The following CADM2 variants were observed in gnomAD, a reference collection of about 807,000 sequenced individuals.
The protein encoded by CADM2 is cell adhesion molecule 2.
CADM2 carries 12 observed loss-of-function variants against 49.8 expected under a neutral mutation model. The ratio of observed to expected loss-of-function variants is 0.24; its 90% CI spans 0.15 to 0.39. The LOEUF is 0.39. Ranked by LOEUF, CADM2 falls within the 10% of genes least tolerant of loss-of-function variation. The pLI is 1.00. For synonymous variants in CADM2, 214 were observed against 175.4 expected (o/e 1.22, Z -1.74); for missense variants, 378 against 492.3 (o/e 0.77, Z 2.20).
chr3:85,929,196 GA>G (rs1239437820), intron 6 of CADM2, among the ~76,000 whole-genome samples: 1 of 152,028 alleles, frequency 6.6e-6, no homozygotes, highest in African/African-American at 2.4e-5. Context: ...TCTGTCTTGT[GA>G]AATAGTAGAG....
chr3:85,010,224 GA>G (rs2033926095), intron 1 of CADM2, among the ~76,000 whole-genome samples: 1 of 152,122 alleles, frequency 6.6e-6, no homozygotes, highest in African/African-American at 2.4e-5. Context: ...TGCCACATCA[GA>G]GTTCAATGAT....
At chr3:85,018,869 C>T (rs1182116488) in intron 1 of CADM2, among the ~76,000 whole-genome samples, 1 of 152,106 alleles carries the variant, frequency 6.6e-6, no homozygotes, top group East Asian at 1.9e-4. Flanking sequence ...AAGTTCATTA[C>T]TCATCTGATA....
chr3:86,007,914 T>C (rs6782553), intron 8 of CADM2, among the ~76,000 whole-genome samples: 106,206 of 152,100 alleles, frequency 0.7, 38,738 homozygotes, highest in African/African-American at 0.92. Context: ...GTTCTTCGTT[T>C]TATTGAACAT....
chr3:85,818,048 T>G (rs1441635708), intron 3 of CADM2, among the ~76,000 whole-genome samples: 1 of 152,090 alleles, frequency 6.6e-6, no homozygotes, highest in Middle Eastern at 3.2e-3. Flanking sequence ...ATATACTCCT[T>G]TTAGAACAAA....
At chr3:85,379,176 A>T (rs9830814) in intron 1 of CADM2, among the ~76,000 whole-genome samples, 1 of 151,844 alleles carries the variant, frequency 6.6e-6, no homozygotes, top group Non-Finnish European at 1.5e-5. Flanking sequence ...TTGTAAACTC[A>T]TTTATGTTGA....
intron 1 of CADM2, among the ~76,000 whole-genome samples, chr3:85,162,322 A>G (rs1179745984): frequency 6.6e-6 from 1 of 152,160 alleles, no homozygotes; most frequent in African/African-American, 2.4e-5. Context: ...AAATAATACT[A>G]ATTACCGGGA....
At chr3:85,605,444 C>G in intron 1 of CADM2, among the ~76,000 whole-genome samples, 1 of 152,048 alleles carries the variant, frequency 6.6e-6, no homozygotes, top group Middle Eastern at 3.4e-3. Context: ...TGAATAAGCT[C>G]TAATGTTGAA....
intron 1 of CADM2, among the ~76,000 whole-genome samples, chr3:84,997,989 G>A (rs757921073): frequency 6.6e-6 from 1 of 152,082 alleles, no homozygotes; most frequent in Admixed American, 6.6e-5. Flanking sequence ...ATTGCAAGCA[G>A]CCATTTTACT....
intron 6 of CADM2, among the ~76,000 whole-genome samples, chr3:85,916,493 A>G (rs1373238008): frequency 6.6e-6 from 1 of 151,934 alleles, no homozygotes; most frequent in East Asian, 1.9e-4. Context: ...CCTACAAAGG[A>G]CATGAACTCA....
chr3:85,417,979 A>G lies in CADM2; in HGVS notation c.62-308543A>G, dbSNP rs142408241. On this transcript the variant is annotated intron_variant, in intron 1 of 9. Coordinates refer to ENST00000383699, the MANE Select transcript of CADM2 (RefSeq NM_001167675.2). ...CTGGTTCCTTAGACATACTTTAAGT[A>G]GGAAGGTACTGGAACCAAAGCTATA... Among the ~76,000 whole-genome samples, 310 of 152,290 alleles carry G rather than the reference A, an allele frequency of 2.0e-3. 1 individual carries two copies. Among genetic ancestry groups the G allele is most frequent in the African/African-American group, 7.2e-3 (299 of 41,568 alleles).
intron 8 of CADM2, among the ~76,000 whole-genome samples, chr3:86,031,382 T>C (rs548930658): frequency 6.6e-6 from 1 of 152,006 alleles, no homozygotes; most frequent in East Asian, 1.9e-4. Flanking sequence ...AATGTGATTA[T>C]CTAGGCTTTC....
intron 1 of CADM2, among the ~76,000 whole-genome samples, chr3:85,043,097 G>C (rs1236182251): frequency 6.6e-6 from 1 of 152,094 alleles, no homozygotes; most frequent in South Asian, 2.1e-4. Flanking sequence ...GGGGGGTGAA[G>C]CTAGTGGAAG....
At chr3:85,619,872 G>A (rs545125160) in intron 1 of CADM2, among the ~76,000 whole-genome samples, 2 of 152,152 alleles carry the variant, frequency 1.3e-5, no homozygotes, top group Non-Finnish European at 2.9e-5. Flanking sequence ...AGAGCAAAGA[G>A]AATTTGTAAT....
At chr3:84,962,242 A>G (rs2030601301) in intron 1 of CADM2, among the ~76,000 whole-genome samples, 2 of 151,842 alleles carry the variant, frequency 1.3e-5, no homozygotes, top group Non-Finnish European at 1.5e-5. Flanking sequence ...AGATCAGGCC[A>G]TATGAATACA....
rs2038822977 is a variant in CADM2 at position 85,472,791 on chromosome 3, C to G, written c.62-253731C>G. 2.0e-5 allele frequency among the ~76,000 whole-genome samples: 3 copies of G among 151,996 alleles called. No individual in the cohort carries two copies. The South Asian group carries it at 6.2e-4, about 32-fold the overall frequency. ...TTATTGTCACTCATTCTCTCTCTCT[C>G]TGTCTCTAATCGATGGAAAATGAAA... On this transcript the variant is annotated intron_variant, in intron 1 of 9. Coordinates refer to ENST00000383699, the MANE Select transcript of CADM2 (RefSeq NM_001167675.2).
intron 1 of CADM2, among the ~76,000 whole-genome samples, chr3:85,504,124 G>C (rs2040222736): frequency 6.6e-6 from 1 of 152,090 alleles, no homozygotes; most frequent in Non-Finnish European, 1.5e-5. Flanking sequence ...GGCGTGTCCG[G>C]AGTTTGTTCC....
intron 1 of CADM2, among the ~76,000 whole-genome samples, chr3:85,649,878 A>G (rs985134649): frequency 2.6e-5 from 4 of 152,164 alleles, no homozygotes; most frequent in South Asian, 4.1e-4. Flanking sequence ...ATGAAGGACA[A>G]CCAGGTCTGT....
At chr3:85,651,259 A>G (rs1424044852) in intron 1 of CADM2, among the ~76,000 whole-genome samples, 1 of 152,142 alleles carries the variant, frequency 6.6e-6, no homozygotes, top group Non-Finnish European at 1.5e-5. Flanking sequence ...TTAATATTTC[A>G]TTGCTATTCT....
intron 1 of CADM2, among the ~76,000 whole-genome samples, chr3:85,242,619 T>C (rs1282198723): frequency 6.6e-6 from 1 of 151,824 alleles, no homozygotes; most frequent in African/African-American, 2.4e-5. Flanking sequence ...TGTAATTAAT[T>C]TGTTGTTTTA....
Sources: allele counts gnomAD v4.1 joint callset (sites outside exome capture counted in the v4.1 genomes callset), GRCh38; gene constraint gnomAD v4.1.1; transcripts MANE v1.5; gene names NCBI Gene and HGNC (gene_info 2026-07-23, HGNC 2026-07-21).